LCOR: variants seen among roughly 807,000 people sequenced by gnomAD.
LCOR encodes the protein ligand dependent nuclear receptor corepressor.
Under a neutral mutation model 64.4 loss-of-function variants are expected in LCOR, and 14 were observed. The observed-to-expected ratio is 0.22, with a 90% CI of 0.14 to 0.34. LCOR has a LOEUF of 0.34. Among genes scored for constraint, LCOR ranks in the 10% least tolerant of loss-of-function variants. The pLI is 1.00. For missense variants in LCOR, 1,686 were observed against 1,765.3 expected (o/e 0.96, Z 0.80); for synonymous variants, 643 against 642.5 (o/e 1.00, Z -0.01).
chr10:96,914,499 T>A (rs527901782), intron 4 of LCOR, among the ~76,000 whole-genome samples: 1 of 152,250 alleles, frequency 6.6e-6, no homozygotes, highest in African/African-American at 2.4e-5. Flanking sequence ...GCCTGGCCTT[T>A]ATTGCTATTT....
chr10:96,984,174 C>T lies in LCOR; in HGVS notation c.3714C>T (p.His1238=), dbSNP rs777814463. ...SSLQAERLKK[H]LKKFPGATPA... Reference sequence around the variant, plus strand: ...TACAGGCTGAGCGCTTGAAAAAGCACTTGAAGAAATTTCCTGGAGCTACCC... The same window carrying T: ...TACAGGCTGAGCGCTTGAAAAAGCATTTGAAGAAATTTCCTGGAGCTACCC... Residue 1238 remains histidine, a synonymous_variant, in exon 8 of 8, where the codon CAC becomes CAT. Transcript: ENST00000421806. 8.1e-6 allele frequency: 13 copies of T among 1,614,016 alleles called. No individual in the cohort carries two copies. The highest frequency in any genetic ancestry group is 1.6e-4 in the Middle Eastern group (1 of 6,084).
At chr10:96,861,134 G>T (rs2134392203) in intron 2 of LCOR, among the ~76,000 whole-genome samples, 1 of 152,050 alleles carries the variant, frequency 6.6e-6, no homozygotes, top group East Asian at 1.9e-4. Flanking sequence ...GTATCTTCTT[G>T]TTCTGTAATT....
At chr10:96,951,458 A>T (rs994321017) in intron 6 of LCOR, among the ~76,000 whole-genome samples, 1 of 152,042 alleles carries the variant, frequency 6.6e-6, no homozygotes, top group South Asian at 2.1e-4. Flanking sequence ...TCTCTGCAAA[A>T]TTTTTTTAAA....
intron 2 of LCOR, among the ~76,000 whole-genome samples, chr10:96,882,485 G>T (rs1846279320): frequency 6.6e-6 from 1 of 152,134 alleles, no homozygotes; most frequent in Non-Finnish European, 1.5e-5. Flanking sequence ...AGAAAGTAGT[G>T]TTCCTATATA....
chr10:96,878,457 A>C (rs7072273), intron 2 of LCOR, among the ~76,000 whole-genome samples: 2 of 152,064 alleles, frequency 1.3e-5, no homozygotes, highest in Non-Finnish European at 2.9e-5. Flanking sequence ...TGTGGAAAGT[A>C]AGAAGAGAGA....
intron 2 of LCOR, among the ~76,000 whole-genome samples, chr10:96,892,488 C>G (rs112376148): frequency 6.6e-6 from 1 of 152,230 alleles, no homozygotes; most frequent in South Asian, 2.1e-4. Flanking sequence ...TGAGGTGCCG[C>G]TTTCTGGTTC....
chr10:96,936,128 C>A (rs1288188873), intron 4 of LCOR, among the ~76,000 whole-genome samples: 1 of 152,260 alleles, frequency 6.6e-6, no homozygotes, highest in Non-Finnish European at 1.5e-5. Context: ...GGGGTTGGAG[C>A]AAACCTCAAA....
rs976043366 is a variant in LCOR at position 96,849,880 on chromosome 10, T to G, written c.-330+16401T>G. On this transcript the variant is annotated intron_variant, in intron 2 of 7. Coordinates refer to ENST00000421806, the MANE Select transcript of LCOR (RefSeq NM_001346516.2). ...TCACTTTTTTTTTTTTTTTTTTTTT[T>G]GCTTATTCTCTGCTCTCTGACGTGA... Among the ~76,000 whole-genome samples the G allele has an allele frequency of 5.4e-5, 8 of 149,432 alleles. No individual in the cohort carries two copies. In the South Asian group the frequency reaches 1.3e-3, roughly 24 times the overall value.
In LCOR at chr10:96,983,226, G is replaced by T. The variant is rs769376463; in HGVS notation, c.2766G>T (p.Glu922Asp). 1.2e-6 allele frequency: 2 copies of T among 1,614,166 alleles called. No homozygotes were observed. Among genetic ancestry groups the T allele is most frequent in the Non-Finnish European group, 1.7e-6 (2 of 1,180,040 alleles). ...ACATGCTGGACAAAGAAGTCAAGGA[G>T]TTACGAGGAGAGATTTTCCCCAGCA... Reference protein sequence around the residue: ...LKNMLDKEVKELRGEIFPSRD... With the variant: ...LKNMLDKEVKDLRGEIFPSRD... The change falls in exon 8 of 8, where the codon GAG becomes GAT. Residue 922 changes from glutamate to aspartate, a missense_variant. By Grantham distance (45) the Glu-to-Asp change is conservative. This residue lies in a region of LCOR where 1,293 missense variants were observed against 1,410.4 expected (regional missense o/e 0.92). Coordinates refer to ENST00000421806, the MANE Select transcript of LCOR (RefSeq NM_001346516.2). This position sits in a 1 kb window ranked among gnomAD's most constrained non-coding sequence, Gnocchi z 4.5.
chr10:96,883,090 G>A (rs1679617405), intron 2 of LCOR, among the ~76,000 whole-genome samples: 1 of 152,154 alleles, frequency 6.6e-6, no homozygotes, highest in Admixed American at 6.5e-5. Flanking sequence ...AGGCTGGAGT[G>A]CAGTGGCACG....
intron 2 of LCOR, among the ~76,000 whole-genome samples, chr10:96,850,304 C>T (rs908524161): frequency 6.6e-6 from 1 of 151,992 alleles, no homozygotes; most frequent in Non-Finnish European, 1.5e-5. Context: ...AATCTTCGCA[C>T]TTTGGGAGGC....
At chr10:96,961,399 G>A (rs1847878378) in intron 7 of LCOR, 1 of 151,950 alleles carries the variant, frequency 6.6e-6, no homozygotes, top group African/African-American at 2.4e-5. Flanking sequence ...ATGTGGAAAT[G>A]AACTCTTTTA....
chr10:96,921,105 A>G (rs1252717159), intron 4 of LCOR, among the ~76,000 whole-genome samples: 2 of 152,058 alleles, frequency 1.3e-5, no homozygotes, highest in Non-Finnish European at 2.9e-5. Context: ...TGCTGGGATT[A>G]CAGGTGTGAG....
chr10:96,956,285 A>G, intron 7 of LCOR: 1 of 997,412 alleles, frequency 1.0e-6, no homozygotes. Flanking sequence ...TTACTTTTTA[A>G]AAAAGAAGAG....
At chr10:96,924,360 G>A (rs935690590) in intron 4 of LCOR, among the ~76,000 whole-genome samples, 2 of 150,192 alleles carry the variant, frequency 1.3e-5, no homozygotes, top group African/African-American at 2.5e-5. Flanking sequence ...GTGCCTCTAC[G>A]CCCAGCCAAT....
chr10:96,965,682 A>G (rs985839763), intron 7 of LCOR, among the ~76,000 whole-genome samples: 2 of 151,318 alleles, frequency 1.3e-5, no homozygotes, highest in African/African-American at 4.8e-5. Context: ...AAAAAAAAAA[A>G]AAGACGGGCT....
intron 7 of LCOR, among the ~76,000 whole-genome samples, chr10:96,975,818 C>A (rs1034328190): frequency 6.6e-6 from 1 of 151,826 alleles, no homozygotes; most frequent in Non-Finnish European, 1.5e-5. Flanking sequence ...AGTTCGAGAC[C>A]AGCCTGACCA....
chr10:96,969,781 T>C (rs1237767592), intron 7 of LCOR, among the ~76,000 whole-genome samples: 4 of 142,824 alleles, frequency 2.8e-5, no homozygotes. Flanking sequence ...TTTCTTTTTT[T>C]TTTTTTTTCT....
intron 2 of LCOR, among the ~76,000 whole-genome samples, chr10:96,848,531 A>C (rs1845670161): frequency 6.6e-6 from 1 of 152,130 alleles, no homozygotes; most frequent in Non-Finnish European, 1.5e-5. Flanking sequence ...GGTGGCGGGC[A>C]TCTGTAATCC....
Sources: allele counts gnomAD v4.1 joint callset (sites outside exome capture counted in the v4.1 genomes callset), GRCh38; gene constraint gnomAD v4.1.1; regional missense constraint gnomAD v4.1.1; non-coding constraint Gnocchi (gnomAD v3.1); transcripts MANE v1.5; gene names NCBI Gene and HGNC (gene_info 2026-07-23, HGNC 2026-07-21).